KALRN: variants seen among roughly 807,000 people sequenced by gnomAD.
KALRN encodes kalirin.
A neutral mutation model predicts 353.7 loss-of-function variants in KALRN; 70 were observed. The observed-to-expected ratio is 0.20, with a 90% CI of 0.16 to 0.24. KALRN has a LOEUF of 0.24. Among genes scored for constraint, KALRN ranks in the 10% least tolerant of loss-of-function variants. The probability of loss-of-function intolerance (pLI) is 1.00; values close to 1 mark genes in which losing one functional copy is unlikely to be tolerated. For synonymous variants in KALRN, 1,391 were observed against 1,434.8 expected (o/e 0.97, Z 0.69); for missense variants, 2,791 against 3,756.7 (o/e 0.74, Z 6.72).
rs534497619 is a variant in KALRN at position 124,358,193 on chromosome 3, T to TA, written c.1770+10937dup. Among the ~76,000 whole-genome samples, 11 of 151,532 alleles carry TA rather than the reference T, an allele frequency of 7.3e-5. No individual in the cohort carries two copies. The East Asian group carries it at 7.7e-4, about 11-fold the overall frequency. ...TGTATTTTCTTTAATTAAAGAAAGC[T>TA]AAAAAAAAATTCAGATGAAGCTATA... On this transcript the variant is annotated intron_variant, in intron 10 of 59. Transcript: ENST00000682506.
intron 8 of KALRN, among the ~76,000 whole-genome samples, chr3:124,332,334 G>A (rs1334257879): frequency 6.6e-6 from 1 of 152,000 alleles, no homozygotes; most frequent in Non-Finnish European, 1.5e-5. Context: ...TGCAAACCCG[G>A]CAAACAGCTT....
chr3:124,209,805 T>C (rs2076751493), intron 1 of KALRN, among the ~76,000 whole-genome samples: 2 of 152,260 alleles, frequency 1.3e-5, no homozygotes, highest in South Asian at 4.1e-4. Flanking sequence ...GCAAATCACA[T>C]CATCCCTCTG....
At chr3:124,623,077 T>C (rs1181522005) in intron 34 of KALRN, among the ~76,000 whole-genome samples, 2 of 152,014 alleles carry the variant, frequency 1.3e-5, no homozygotes, top group East Asian at 1.9e-4. Flanking sequence ...TCTTTTCTTT[T>C]TTTCTTTCTT....
intron 34 of KALRN, among the ~76,000 whole-genome samples, chr3:124,583,243 C>G (rs1166317005): frequency 6.6e-6 from 1 of 152,172 alleles, no homozygotes; most frequent in African/African-American, 2.4e-5. Flanking sequence ...ATTCCTCCCA[C>G]AAACTTCCCT....
intron 38 of KALRN, among the ~76,000 whole-genome samples, chr3:124,654,083 C>T (rs2083714739): frequency 1.3e-5 from 2 of 152,266 alleles, no homozygotes; most frequent in Admixed American, 6.5e-5. Context: ...AGCTGGACTT[C>T]ATCTCCAGAG....
At chr3:124,694,249 TG>T in intron 52 of KALRN, 82 bp from the exon 53 acceptor site, 1 of 1,303,830 alleles carries the variant, frequency 7.7e-7, no homozygotes, top group South Asian at 1.3e-5. Context: ...GGGTGGGAAA[TG>T]AGAGAGGTGT....
intron 1 of KALRN, among the ~76,000 whole-genome samples, chr3:124,223,699 G>C (rs2078171239): frequency 6.6e-6 from 1 of 152,224 alleles, no homozygotes; most frequent in Admixed American, 6.5e-5. Context: ...AAGGCACCCA[G>C]GTGCCCTGGG....
intron 10 of KALRN, among the ~76,000 whole-genome samples, chr3:124,354,463 ATC>A (rs2083170228): frequency 6.6e-6 from 1 of 152,202 alleles, no homozygotes; most frequent in Admixed American, 6.5e-5. Flanking sequence ...AACCTTGATG[ATC>A]TATATAGAAA....
intron 10 of KALRN, among the ~76,000 whole-genome samples, chr3:124,379,338 C>T (rs999512719): frequency 2.6e-5 from 4 of 152,058 alleles, no homozygotes; most frequent in Admixed American, 2.0e-4. Flanking sequence ...AGCTCTGGGT[C>T]AGTTTTCATT....
chr3:124,509,556 A>C (rs1003948715), intron 33 of KALRN, among the ~76,000 whole-genome samples: 16 of 152,236 alleles, frequency 1.1e-4, no homozygotes, highest in Non-Finnish European at 1.5e-4. Context: ...TCCACAGAAT[A>C]GTGTACCAAC....
Position 124,720,382 on chromosome 3 carries a change from A to G in KALRN, c.*912A>G, listed in dbSNP as rs947399199. 6.6e-6 allele frequency: 1 copy of G among 152,656 alleles called. No homozygotes were observed. Among genetic ancestry groups the G allele is most frequent in the Admixed American group, 6.5e-5 (1 of 15,282 alleles). The allele number at this position is 152,656 out of a possible 1,614,324, so 9.5% of individuals were successfully genotyped here. A position where few individuals can be genotyped will look rare whatever the true frequency, so the allele number is the denominator to read the frequency against. On this transcript the variant is annotated 3_prime_UTR_variant, in exon 60 of 60. Transcript: ENST00000682506. ...TTTGAAATAAGTAAACAAATACAAG[A>G]GGTTCATATAAAAGGGCAAATGAAA...
chr3:124,524,998 C>T (rs2067466835), intron 33 of KALRN, among the ~76,000 whole-genome samples: 1 of 152,216 alleles, frequency 6.6e-6, no homozygotes, highest in South Asian at 2.1e-4. Context: ...TGAATAGAAT[C>T]ACAAGCCAGG....
At chr3:124,340,737 C>T (rs1473464759) in intron 9 of KALRN, among the ~76,000 whole-genome samples, 1 of 152,094 alleles carries the variant, frequency 6.6e-6, no homozygotes, top group Non-Finnish European at 1.5e-5. Context: ...GGTAGATTAG[C>T]TGAGGTCAGG....
At chr3:124,531,953 C>T (rs1283049999) in intron 33 of KALRN, among the ~76,000 whole-genome samples, 1 of 152,318 alleles carries the variant, frequency 6.6e-6, no homozygotes, top group African/African-American at 2.4e-5. Flanking sequence ...AAGAAAGCTT[C>T]GTGTTCTTCT....
chr3:124,159,927 T>C (rs971554044), intron 1 of KALRN, among the ~76,000 whole-genome samples: 5 of 151,714 alleles, frequency 3.3e-5, no homozygotes, highest in African/African-American at 1.2e-4. Flanking sequence ...ATAGCAGTGA[T>C]GATGAGCAGG....
chr3:124,145,023 G>C (rs1057270383), intron 1 of KALRN, among the ~76,000 whole-genome samples: 2 of 152,138 alleles, frequency 1.3e-5, no homozygotes, highest in African/African-American at 4.8e-5. Flanking sequence ...GACTAAGTCA[G>C]TGCTTTCCTA....
At chr3:124,291,607 T>C (rs978664098) in intron 5 of KALRN, among the ~76,000 whole-genome samples, 1 of 152,082 alleles carries the variant, frequency 6.6e-6, no homozygotes, top group South Asian at 2.1e-4. Flanking sequence ...AGACATGGGA[T>C]TTGAGATTTA....
chr3:124,247,153 C>T (rs2070402118), intron 3 of KALRN, among the ~76,000 whole-genome samples: 1 of 152,186 alleles, frequency 6.6e-6, no homozygotes, highest in Admixed American at 6.5e-5. Flanking sequence ...CTTTATTGTA[C>T]ACTCTTCTGG....
chr3:124,476,987 C>T (rs748332081), intron 26 of KALRN, among the ~76,000 whole-genome samples: 2 of 152,150 alleles, frequency 1.3e-5, no homozygotes, highest in African/African-American at 4.8e-5. Flanking sequence ...GTTGCTTTTT[C>T]TGATTCTTTC....
Sources: allele counts gnomAD v4.1 joint callset (sites outside exome capture counted in the v4.1 genomes callset), GRCh38; gene constraint gnomAD v4.1.1; transcripts MANE v1.5; gene names NCBI Gene and HGNC (gene_info 2026-07-23, HGNC 2026-07-21).